Variants in RBFOX1 observed in about 807,000 individuals in gnomAD.
RBFOX1 encodes the protein RNA binding fox-1 homolog 1.
In RBFOX1, 8 loss-of-function variants were observed where a neutral mutation model predicts 57.7. The observed-to-expected ratio is 0.14, with a 90% CI of 0.08 to 0.25. The LOEUF is 0.25. Ranked by LOEUF, RBFOX1 falls within the 10% of genes least tolerant of loss-of-function variation. The pLI is 1.00. For synonymous variants in RBFOX1, 326 were observed against 222.4 expected, an observed-to-expected ratio of 1.47 and a Z score of -4.15; for missense variants, 611 against 548.5, an observed-to-expected ratio of 1.11 and a Z score of -1.14.
At chr16:7,241,815 A>C (rs2094078389) in intron 4 of RBFOX1, among the ~76,000 whole-genome samples, 1 of 151,142 alleles carries the variant, frequency 6.6e-6, no homozygotes, top group African/African-American at 2.4e-5. Flanking sequence ...ACTCACATAT[A>C]CATATATGTT....
chr16:5,715,439 T>C (rs1302829362), intron 3 of RBFOX1, among the ~76,000 whole-genome samples: 1 of 152,234 alleles, frequency 6.6e-6, no homozygotes, highest in African/African-American at 2.4e-5. Context: ...ATTTATGGTG[T>C]ATCTCAAACT....
chr16:6,883,216 C>G lies in RBFOX1; in HGVS notation c.-15-168841C>G, dbSNP rs1272873155. ...TAAGCAATAGAAAGAAAGTACTTAG[C>G]TTAGAAATCTCGCTTTGCTACACTA... is the stretch of plus-strand genomic sequence containing the variant. On this transcript the variant is annotated intron_variant, in intron 3 of 15. Transcript: ENST00000550418. Among the ~76,000 whole-genome samples the G allele has an allele frequency of 5.3e-5, 8 of 152,184 alleles. No homozygotes were observed. The East Asian group carries it at 1.3e-3, about 26-fold the overall frequency.
chr16:5,929,639 G>T (rs1282259170), intron 4 of RBFOX1, among the ~76,000 whole-genome samples: 3 of 152,150 alleles, frequency 2.0e-5, no homozygotes, highest in African/African-American at 4.8e-5. Flanking sequence ...TAAAGTGAAA[G>T]ACTTCATAGT....
intron 4 of RBFOX1, among the ~76,000 whole-genome samples, chr16:7,274,467 G>A (rs1278274875): frequency 1.3e-5 from 2 of 152,008 alleles, no homozygotes; most frequent in African/African-American, 4.8e-5. Flanking sequence ...AGCAAAGTCA[G>A]TTTCCTTCTT....
intron 1 of RBFOX1, among the ~76,000 whole-genome samples, chr16:6,074,864 G>A (rs868211953): frequency 2.0e-5 from 3 of 152,266 alleles, no homozygotes; most frequent in Non-Finnish European, 2.9e-5. Context: ...GACTCAGAAG[G>A]CTGAGGTGGT....
chr16:5,449,001 C>T (rs780718843), intron 1 of RBFOX1, among the ~76,000 whole-genome samples: 23 of 152,116 alleles, frequency 1.5e-4, no homozygotes, highest in African/African-American at 5.3e-4. Flanking sequence ...GGCCTTTGCA[C>T]GTGGCCAGGT....
intron 1 of RBFOX1, among the ~76,000 whole-genome samples, chr16:5,242,332 A>G (rs1001745666): frequency 6.6e-6 from 1 of 152,216 alleles, no homozygotes; most frequent in Non-Finnish European, 1.5e-5. Context: ...TTGTTTCCTG[A>G]ATCTGAATAT....
chr16:7,083,522 G>C (rs556985829), intron 4 of RBFOX1, among the ~76,000 whole-genome samples: 15 of 152,232 alleles, frequency 9.9e-5, no homozygotes, highest in Admixed American at 2.0e-4. Flanking sequence ...AGTATAGCCT[G>C]TGTACACCCC....
At chr16:7,546,563 A>G (rs2084610702) in intron 5 of RBFOX1, among the ~76,000 whole-genome samples, 1 of 152,164 alleles carries the variant, frequency 6.6e-6, no homozygotes, top group African/African-American at 2.4e-5. Flanking sequence ...ATCTTTTGAG[A>G]GGCTTTGCAA....
intron 4 of RBFOX1, among the ~76,000 whole-genome samples, chr16:7,384,427 C>T (rs1197538237): frequency 3.9e-5 from 6 of 152,072 alleles, no homozygotes; most frequent in Non-Finnish European, 8.8e-5. Context: ...TATTTTGGTT[C>T]TTGAATTTAG....
At chr16:5,414,300 T>C (rs13331287) in intron 1 of RBFOX1, among the ~76,000 whole-genome samples, 8,273 of 152,248 alleles carry the variant, frequency 0.054, 233 homozygotes, top group South Asian at 0.08. Context: ...TCCCAGTTAT[T>C]ACTCAGCTGC....
intron 2 of RBFOX1, among the ~76,000 whole-genome samples, chr16:5,468,697 C>T (rs754106008): frequency 6.6e-6 from 1 of 152,214 alleles, no homozygotes; most frequent in East Asian, 1.9e-4. Context: ...GAATATTATA[C>T]AGCCATAAAA....
intron 4 of RBFOX1, among the ~76,000 whole-genome samples, chr16:7,361,785 T>C (rs2097326772): frequency 6.6e-6 from 1 of 152,054 alleles, no homozygotes; most frequent in African/African-American, 2.4e-5. Flanking sequence ...ACCGTGTGTA[T>C]GTTTGTGTGT....
At chr16:6,000,483 C>T (rs1000898550) in intron 4 of RBFOX1, among the ~76,000 whole-genome samples, 2 of 152,134 alleles carry the variant, frequency 1.3e-5, no homozygotes, top group Non-Finnish European at 2.9e-5. Context: ...AAATTGGATC[C>T]CGTGCATGCC....
intron 1 of RBFOX1, among the ~76,000 whole-genome samples, chr16:6,205,109 A>G (rs1406300837): frequency 1.3e-5 from 2 of 152,138 alleles, no homozygotes; most frequent in Non-Finnish European, 2.9e-5. Context: ...CCCTCTCTGT[A>G]GTCCTGTTAT....
chr16:5,599,532 C>G, exon 3 of RBFOX1: 1 of 365,690 alleles, frequency 2.7e-6, no homozygotes, highest in South Asian at 6.0e-5. Context: ...TGCACCGCCT[C>G]TCGGCAATGC....
chr16:6,129,819 G>A (rs1416109185), intron 1 of RBFOX1, among the ~76,000 whole-genome samples: 2 of 151,306 alleles, frequency 1.3e-5, no homozygotes, highest in African/African-American at 4.9e-5. Context: ...GGGATGAATG[G>A]TACAAACAGT....
chr16:7,303,383 T>C (rs2142090164), intron 4 of RBFOX1, among the ~76,000 whole-genome samples: 1 of 152,252 alleles, frequency 6.6e-6, no homozygotes, highest in Non-Finnish European at 1.5e-5. Context: ...CTTTTCTGTG[T>C]TTATTTGGCA....
rs1252341136 is a variant in RBFOX1 at position 6,616,114 on chromosome 16, A to G, written c.-63-38489A>G. ...CAGGGCCCCAATCCCAAACTGAAGA[A>G]TCTTTTATAGGAAGTGTCAGGCCTT... On this transcript the variant is annotated intron_variant, in intron 2 of 15. Coordinates refer to ENST00000550418, the MANE Select transcript of RBFOX1 (RefSeq NM_018723.4). Among the ~76,000 whole-genome samples the G allele has an allele frequency of 2.0e-5, 3 of 152,174 alleles. No individual in the cohort carries two copies. The South Asian group carries it at 6.2e-4, about 32-fold the overall frequency.
Sources: gnomAD v4.1 joint callset for allele counts (sites outside exome capture counted in the v4.1 genomes callset) on GRCh38, gnomAD v4.1.1 for gene constraint, MANE v1.5 for transcripts, NCBI Gene and HGNC (gene_info 2026-07-23, HGNC 2026-07-21) for gene names.